RARB: variants seen among roughly 807,000 people sequenced by gnomAD.
RARB encodes retinoic acid receptor beta.
RARB carries 17 observed loss-of-function variants against 51.9 expected under a neutral mutation model. The ratio of observed to expected loss-of-function variants is 0.33; its 90% CI spans 0.22 to 0.49. The LOEUF (loss-of-function observed/expected upper bound fraction) is 0.49. RARB is among the 20% of genes least tolerant of loss of function. The pLI is 0.99. For missense variants in RARB, 369 were observed against 550.8 expected (o/e 0.67, Z 3.30); for synonymous variants, 215 against 195.4 (o/e 1.10, Z -0.84).
intron 5 of RARB, among the ~76,000 whole-genome samples, chr3:25,194,749 A>C (rs1701190690): frequency 2.0e-5 from 3 of 151,864 alleles, no homozygotes; most frequent in Admixed American, 2.0e-4. Flanking sequence ...TCTGGAATCA[A>C]ATAAATTAAC....
At chr3:25,163,112 G>C (rs1324835945) in intron 4 of RARB, among the ~76,000 whole-genome samples, 1 of 152,198 alleles carries the variant, frequency 6.6e-6, no homozygotes, top group Non-Finnish European at 1.5e-5. Flanking sequence ...AACCCTAATA[G>C]TGGGCTGAAT....
chr3:25,231,172 T>C (rs1702167070), intron 5 of RARB, among the ~76,000 whole-genome samples: 1 of 152,152 alleles, frequency 6.6e-6, no homozygotes, highest in South Asian at 2.1e-4. Context: ...ACATTTTAAG[T>C]GTTATGCAAA....
intron 3 of RARB, among the ~76,000 whole-genome samples, chr3:25,114,410 C>A (rs193017094): frequency 6.6e-6 from 1 of 151,042 alleles, no homozygotes; most frequent in Admixed American, 6.6e-5. Context: ...TGAAGATGCT[C>A]TGAAAGTATC....
At chr3:25,058,156 C>G (rs1698477242) in intron 2 of RARB, among the ~76,000 whole-genome samples, 1 of 151,854 alleles carries the variant, frequency 6.6e-6, no homozygotes, top group African/African-American at 2.4e-5. Context: ...GTGATTATAG[C>G]TGATTTATCA....
intron 4 of RARB, among the ~76,000 whole-genome samples, chr3:25,159,328 C>G (rs912470752): frequency 3.3e-5 from 5 of 151,494 alleles, no homozygotes; most frequent in African/African-American, 1.2e-4. Context: ...CACCACCACA[C>G]CTGGCTAATT....
At chr3:24,860,941 A>G (rs566937048) in intron 2 of RARB, among the ~76,000 whole-genome samples, 11 of 152,310 alleles carry the variant, frequency 7.2e-5, no homozygotes, top group African/African-American at 1.9e-4. Context: ...AGACTATACC[A>G]TGTAGCCTAG....
chr3:25,409,241 A>G (rs570537533), intron 5 of RARB, among the ~76,000 whole-genome samples: 5 of 152,070 alleles, frequency 3.3e-5, no homozygotes, highest in Non-Finnish European at 7.4e-5. Flanking sequence ...AAGAAAAAAA[A>G]TTTTCACCTA....
chr3:25,033,120 T>A (rs1697909610), intron 2 of RARB, among the ~76,000 whole-genome samples: 1 of 152,210 alleles, frequency 6.6e-6, no homozygotes, highest in African/African-American at 2.4e-5. Context: ...GTTTTTAAAA[T>A]GGAGAGACAA....
chr3:25,400,289 T>C (rs939186915), intron 5 of RARB, among the ~76,000 whole-genome samples: 5 of 152,130 alleles, frequency 3.3e-5, no homozygotes, highest in African/African-American at 1.2e-4. Context: ...CCAGTGATCG[T>C]GATGAAATAA....
At chr3:25,472,887 C>G (rs1695765960) in intron 2 of RARB, among the ~76,000 whole-genome samples, 1 of 152,166 alleles carries the variant, frequency 6.6e-6, no homozygotes, top group Non-Finnish European at 1.5e-5. Context: ...CCCAGAAAAT[C>G]CCTTTGAAAA....
rs763091682 is a variant in RARB at position 25,126,682 on chromosome 3, C to G, written c.-327-5479C>G. ...AGACAATGCTTTAAGTAGCAAAGCT[C>G]TTGGCAATAACTTTCATCTCCTGAA... is the stretch of plus-strand genomic sequence containing the variant. On this transcript the variant is annotated intron_variant, in intron 3 of 11. Coordinates refer to the RARB transcript ENST00000383772. Among the ~76,000 whole-genome samples the G allele has an allele frequency of 5.3e-5, 8 of 152,152 alleles. No individual in the cohort carries two copies. In the East Asian group the frequency reaches 7.7e-4, roughly 15 times the overall value.
intron 2 of RARB, among the ~76,000 whole-genome samples, chr3:25,469,350 A>G (rs1319287976): frequency 6.6e-6 from 1 of 152,244 alleles, no homozygotes; most frequent in South Asian, 2.1e-4. Flanking sequence ...GTGGATAAAC[A>G]TGAACATGAT....
At chr3:25,184,988 C>G (rs2125359743) in intron 5 of RARB, among the ~76,000 whole-genome samples, 1 of 152,274 alleles carries the variant, frequency 6.6e-6, no homozygotes, top group South Asian at 2.1e-4. Context: ...CACTTACTAG[C>G]AAAAATCTTG....
intron 3 of RARB, among the ~76,000 whole-genome samples, chr3:25,084,067 G>A (rs1034848113): frequency 6.6e-6 from 1 of 152,102 alleles, no homozygotes; most frequent in African/African-American, 2.4e-5. Context: ...ATGTATCTCA[G>A]TATTTGGCTA....
At chr3:25,143,880 A>C (rs1418022284) in intron 4 of RARB, among the ~76,000 whole-genome samples, 1 of 152,196 alleles carries the variant, frequency 6.6e-6, no homozygotes, top group African/African-American at 2.4e-5. Flanking sequence ...CCTGGCATCA[A>C]GCAACAAAAG....
chr3:25,465,223 AT>A (rs1046864612), intron 2 of RARB, among the ~76,000 whole-genome samples: 2 of 152,222 alleles, frequency 1.3e-5, no homozygotes, highest in Non-Finnish European at 2.9e-5. Context: ...TTGTGATATA[AT>A]AAGGTAATGA....
chr3:25,112,706 A>G (rs1699623006), intron 3 of RARB, among the ~76,000 whole-genome samples: 1 of 152,156 alleles, frequency 6.6e-6, no homozygotes, highest in Admixed American at 6.5e-5. Flanking sequence ...TGAGTCCAGG[A>G]GTTCTAGGCT....
intron 5 of RARB, among the ~76,000 whole-genome samples, chr3:25,281,936 T>C (rs1051421362): frequency 6.6e-6 from 1 of 152,218 alleles, no homozygotes; most frequent in Non-Finnish European, 1.5e-5. Flanking sequence ...TATATTTAAG[T>C]GCCTGCTCTG....
Position 24,995,161 on chromosome 3 carries a change from T to G in RARB, c.-379-64964T>G, listed in dbSNP as rs116036902. On this transcript the variant is annotated intron_variant, in intron 2 of 11. Transcript: ENST00000383772. ...CCATTTGTTTATATCCTCTTCAGTT[T>G]ATTTCATCAGTGTTTTGTAGTTTTT... Among the ~76,000 whole-genome samples, 1,508 of 152,116 alleles carry G rather than the reference T, an allele frequency of 9.9e-3. 29 individuals are homozygous for G. Among genetic ancestry groups the G allele is most frequent in the African/African-American group, 0.035 (1,453 of 41,480 alleles).
Sources: gnomAD v4.1 joint callset for allele counts (sites outside exome capture counted in the v4.1 genomes callset) on GRCh38, gnomAD v4.1.1 for gene constraint, MANE v1.5 for transcripts, NCBI Gene and HGNC (gene_info 2026-07-23, HGNC 2026-07-21) for gene names.